DAB1: variants seen among roughly 807,000 people sequenced by gnomAD.
DAB1 encodes the protein DAB adaptor protein 1, also known as disabled homolog 1.
DAB1 carries 15 observed loss-of-function variants against 64.6 expected under a neutral mutation model. The observed-to-expected ratio is 0.23, with a 90% confidence interval of 0.16 to 0.36. The LOEUF (loss-of-function observed/expected upper bound fraction) is 0.36. Ranked by LOEUF, DAB1 falls within the 10% of genes least tolerant of loss-of-function variation. The pLI, the probability that DAB1 is intolerant of heterozygous loss-of-function variation, is 1.00. For synonymous variants in DAB1, 235 were observed against 251.9 expected, an observed-to-expected ratio of 0.93 and a Z score of 0.64; for missense variants, 596 against 706.7, an observed-to-expected ratio of 0.84 and a Z score of 1.78.
intron 4 of DAB1, among the ~76,000 whole-genome samples, chr1:58,160,179 C>A (rs531539231): frequency 1.4e-4 from 22 of 152,170 alleles, no homozygotes; most frequent in African/African-American, 4.1e-4. Context: ...GGTGCAGTTG[C>A]AGGTAGGCCA....
intron 7 of DAB1, among the ~76,000 whole-genome samples, chr1:57,483,443 T>C (rs1203108871): frequency 6.6e-6 from 1 of 152,204 alleles, no homozygotes; most frequent in Admixed American, 6.5e-5. Flanking sequence ...CCATGTAAGA[T>C]GTGCTTTCAC....
chr1:57,402,038 A>AT (rs1324982108), intron 1 of DAB1, among the ~76,000 whole-genome samples: 1 of 152,218 alleles, frequency 6.6e-6, no homozygotes, highest in Admixed American at 6.5e-5. Flanking sequence ...TTGATGATAT[A>AT]TTAGCAGTCT....
chr1:57,534,152 T>C (rs1204508292), intron 7 of DAB1, among the ~76,000 whole-genome samples: 1 of 152,174 alleles, frequency 6.6e-6, no homozygotes, highest in Non-Finnish European at 1.5e-5. Context: ...AGGAGTGCTC[T>C]GAAATGAAAT....
intron 3 of DAB1, among the ~76,000 whole-genome samples, chr1:58,501,229 T>G (rs990724969): frequency 4.6e-5 from 7 of 152,214 alleles, no homozygotes; most frequent in Admixed American, 2.6e-4. Context: ...TATCTTGAAA[T>G]TCACATTTAA....
intron 1 of DAB1, among the ~76,000 whole-genome samples, chr1:57,830,741 T>C (rs1343816853): frequency 6.6e-6 from 1 of 152,174 alleles, no homozygotes; most frequent in African/African-American, 2.4e-5. Context: ...CGATTTACTA[T>C]ACCTAGACTG....
intron 1 of DAB1, among the ~76,000 whole-genome samples, chr1:57,371,820 G>A (rs368044861): frequency 1.9e-4 from 29 of 152,260 alleles, no homozygotes; most frequent in African/African-American, 6.7e-4. Context: ...ACACCCCAGG[G>A]GACAATGTTT....
intron 5 of DAB1, among the ~76,000 whole-genome samples, chr1:57,932,469 T>TG (rs139092622): frequency 5.7e-4 from 21 of 36,854 alleles, no homozygotes; most frequent in African/African-American, 2.4e-3. Flanking sequence ...GCCCAGCTAA[T>TG]TTTTTTTTTT....
intron 4 of DAB1, among the ~76,000 whole-genome samples, chr1:58,246,951 G>A (rs2100393472): frequency 6.6e-6 from 1 of 152,152 alleles, no homozygotes; most frequent in East Asian, 1.9e-4. Context: ...CATGAGGAGG[G>A]AGTAAGACGG....
At chr1:57,765,410 G>C (rs559728932) in intron 6 of DAB1, among the ~76,000 whole-genome samples, 5 of 152,264 alleles carry the variant, frequency 3.3e-5, no homozygotes, top group Admixed American at 2.0e-4. Flanking sequence ...AAGTTCAAAG[G>C]CTTCACTTTC....
At position 58,027,272 on chromosome 1, in the gene DAB1, T is replaced by C. The variant is rs116511098; in HGVS notation, n.387+123239A>G. On this transcript the variant is annotated intron_variant and non_coding_transcript_variant, in intron 5 of 20. Transcript: ENST00000485760. ...ATATAGAGACAGGGTCTCACTTTAT[T>C]GACCAGGCTGGTCTCAAACTCCTGG... Among the ~76,000 whole-genome samples the C allele has an allele frequency of 9.2e-3, 1,401 of 152,258 alleles. 24 individuals are homozygous for C. Among genetic ancestry groups the C allele is most frequent in the African/African-American group, 0.032 (1,350 of 41,550 alleles).
intron 6 of DAB1, among the ~76,000 whole-genome samples, chr1:57,761,657 C>G (rs1373993119): frequency 3.9e-5 from 6 of 152,234 alleles, no homozygotes; most frequent in Admixed American, 3.9e-4. Context: ...CAGCTGCGAA[C>G]ATGACTGCCC....
In DAB1 at chr1:58,291,126, C is replaced by T. The variant is rs545801136; in HGVS notation, n.309+52226G>A. 2.6e-5 allele frequency among the ~76,000 whole-genome samples: 4 copies of T among 152,270 alleles called. No homozygotes were observed. In the South Asian group the frequency reaches 8.3e-4, roughly 32 times the overall value. On this transcript the variant is annotated intron_variant and non_coding_transcript_variant, in intron 4 of 20. Coordinates refer to the DAB1 transcript ENST00000485760. Reference sequence around the variant, plus strand: ...ATAAATTGAAGTAGCAACATGTCCTCGACATCGTAATACAGATGCTGTAAT... The same window carrying T: ...ATAAATTGAAGTAGCAACATGTCCTTGACATCGTAATACAGATGCTGTAAT...
intron 5 of DAB1, among the ~76,000 whole-genome samples, chr1:58,129,743 T>C (rs1232758423): frequency 1.3e-5 from 2 of 151,396 alleles, no homozygotes; most frequent in Non-Finnish European, 2.9e-5. Context: ...AGCAGGTTGT[T>C]CAGTTTCCAT....
intron 2 of DAB1, among the ~76,000 whole-genome samples, chr1:57,272,480 C>A (rs569303329): frequency 2.6e-5 from 4 of 152,192 alleles, no homozygotes; most frequent in Non-Finnish European, 5.9e-5. Flanking sequence ...AGTAAGCTAG[C>A]ACTTCACTAA....
chr1:58,209,299 A>G (rs1658435530), intron 4 of DAB1, among the ~76,000 whole-genome samples: 1 of 152,204 alleles, frequency 6.6e-6, no homozygotes, highest in South Asian at 2.1e-4. Flanking sequence ...ATTCACACGT[A>G]GGAAACAAAT....
intron 2 of DAB1, among the ~76,000 whole-genome samples, chr1:57,183,010 C>T (rs1663142449): frequency 1.3e-5 from 2 of 152,180 alleles, no homozygotes; most frequent in Non-Finnish European, 2.9e-5. Flanking sequence ...CACTGGATAG[C>T]ACTGATACAT....
At position 57,829,421 on chromosome 1, in the gene DAB1, C is replaced by T. The variant is rs577994149; in HGVS notation, n.88-2966G>A. Among the ~76,000 whole-genome samples the T allele has an allele frequency of 6.8e-4, 104 of 152,270 alleles. No homozygotes were observed. The South Asian group carries it at 0.021, about 31-fold the overall frequency. On this transcript the variant is annotated intron_variant and non_coding_transcript_variant, in intron 1 of 1. Transcript: ENST00000477280. ...TCAGCTCACAGGGCTTCAGTTTTCT[C>T]ATCTGCATAAGGTGAGAAGAATGCC...
chr1:57,194,937 T>C (rs565757578), intron 2 of DAB1, among the ~76,000 whole-genome samples: 3 of 152,332 alleles, frequency 2.0e-5, no homozygotes, highest in Non-Finnish European at 4.4e-5. Flanking sequence ...AGGCTCATTC[T>C]CATCCACATG....
intron 5 of DAB1, among the ~76,000 whole-genome samples, chr1:58,116,103 C>G (rs1367038421): frequency 2.0e-5 from 3 of 151,936 alleles, no homozygotes; most frequent in East Asian, 3.8e-4. Context: ...GGCCAGGTGA[C>G]ACAGTTTTAA....
Sources: gnomAD v4.1 joint callset for allele counts (sites outside exome capture counted in the v4.1 genomes callset) on GRCh38, gnomAD v4.1.1 for gene constraint, MANE v1.5 for transcripts, NCBI Gene and HGNC (gene_info 2026-07-23, HGNC 2026-07-21) for gene names.